HDAC9: variants seen among roughly 807,000 people sequenced by gnomAD.
The protein encoded by HDAC9 is histone deacetylase 9.
In HDAC9, 41 loss-of-function variants were observed where a neutral mutation model predicts 139.4. That is an observed-to-expected ratio of 0.29 (90% CI 0.23 to 0.38). HDAC9 has a LOEUF of 0.38. Ranked by LOEUF, HDAC9 falls within the 10% of genes least tolerant of loss-of-function variation. The probability of loss-of-function intolerance (pLI) is 1.00; values close to 1 mark genes in which losing one functional copy is unlikely to be tolerated. For missense variants in HDAC9, 1,147 were observed against 1,297.0 expected, an observed-to-expected ratio of 0.88 and a Z score of 1.78; for synonymous variants, 517 against 476.2, an observed-to-expected ratio of 1.09 and a Z score of -1.12.
At chr7:18,205,215 A>G (rs1162586370) in intron 2 of HDAC9, among the ~76,000 whole-genome samples, 1 of 151,944 alleles carries the variant, frequency 6.6e-6, no homozygotes, top group African/African-American at 2.4e-5. Context: ...TCATATTATT[A>G]CATTCTAACA....
chr7:18,530,493 AT>A (rs1323948061), intron 2 of HDAC9, among the ~76,000 whole-genome samples: 3 of 152,152 alleles, frequency 2.0e-5, no homozygotes, highest in African/African-American at 7.2e-5. Flanking sequence ...CTAACAAATG[AT>A]TTATACTGGT....
chr7:18,189,164 T>G (rs919014936), intron 2 of HDAC9, among the ~76,000 whole-genome samples: 5 of 152,106 alleles, frequency 3.3e-5, no homozygotes, highest in African/African-American at 1.2e-4. Context: ...TGTGCATCCA[T>G]AAAAAGGAAT....
intron 22 of HDAC9, among the ~76,000 whole-genome samples, chr7:18,882,117 A>G (rs1799783766): frequency 6.6e-6 from 1 of 152,156 alleles, no homozygotes; most frequent in East Asian, 1.9e-4. Context: ...AAGGCTAAAA[A>G]GAATCCATGA....
At chr7:18,488,476 A>G (rs905961119) in intron 1 of HDAC9, among the ~76,000 whole-genome samples, 3 of 152,036 alleles carry the variant, frequency 2.0e-5, no homozygotes, top group Non-Finnish European at 2.9e-5. Flanking sequence ...GAAGTATAAA[A>G]ATTGTGTTAT....
chr7:18,851,903 A>G (rs1394908811), intron 21 of HDAC9, among the ~76,000 whole-genome samples: 1 of 152,190 alleles, frequency 6.6e-6, no homozygotes. Flanking sequence ...CTTCATTTGT[A>G]AAACTATAGG....
intron 1 of HDAC9, among the ~76,000 whole-genome samples, chr7:18,306,512 A>C (rs1047222136): frequency 1.1e-4 from 17 of 152,178 alleles, no homozygotes; most frequent in African/African-American, 4.1e-4. Flanking sequence ...GATGATAGTA[A>C]TCTAAGTTTA....
At chr7:18,805,471 C>A (rs573355280) in intron 17 of HDAC9, among the ~76,000 whole-genome samples, 74 of 152,212 alleles carry the variant, frequency 4.9e-4, no homozygotes, top group Non-Finnish European at 9.7e-4. Context: ...GAGAAGTCAG[C>A]AGCTGCACAG....
chr7:18,595,338 G>T (rs956644811), intron 6 of HDAC9, among the ~76,000 whole-genome samples: 2 of 143,420 alleles, frequency 1.4e-5, no homozygotes, highest in Non-Finnish European at 3.2e-5. Flanking sequence ...CCTATTATCT[G>T]CAAATCAGAG....
chr7:18,832,024 A>T (rs1290787665), intron 19 of HDAC9, among the ~76,000 whole-genome samples: 4 of 152,200 alleles, frequency 2.6e-5, no homozygotes, highest in Non-Finnish European at 4.4e-5. Context: ...TTAGGCAAGA[A>T]TGATTCTAGT....
chr7:18,798,828 C>G (rs1012994413), intron 17 of HDAC9, among the ~76,000 whole-genome samples: 2 of 152,028 alleles, frequency 1.3e-5, no homozygotes, highest in African/African-American at 4.8e-5. Context: ...TGCATAAGGA[C>G]TATGAAAAGC....
chr7:18,675,842 G>T (rs1232190904), intron 12 of HDAC9, among the ~76,000 whole-genome samples: 1 of 151,954 alleles, frequency 6.6e-6, no homozygotes, highest in Non-Finnish European at 1.5e-5. Context: ...GGGAGACCCT[G>T]TGAGTACATT....
At chr7:18,971,676 T>A (rs112160669) in intron 24 of HDAC9, among the ~76,000 whole-genome samples, 2 of 152,234 alleles carry the variant, frequency 1.3e-5, no homozygotes, top group African/African-American at 4.8e-5. Flanking sequence ...GCATTATTAA[T>A]GTAGAATATT....
intron 1 of HDAC9, among the ~76,000 whole-genome samples, chr7:18,367,293 A>AT (rs951251789): frequency 6.6e-6 from 1 of 152,110 alleles, no homozygotes; most frequent in African/African-American, 2.4e-5. Context: ...GATGGGAGCC[A>AT]TGGGACTAGT....
intron 24 of HDAC9, among the ~76,000 whole-genome samples, chr7:18,957,155 G>T (rs1309734279): frequency 6.6e-6 from 1 of 152,102 alleles, no homozygotes; most frequent in African/African-American, 2.4e-5. Flanking sequence ...ATCGGAAAGC[G>T]ATCTCTCACC....
intron 1 of HDAC9, among the ~76,000 whole-genome samples, chr7:18,144,670 C>T (rs1457755769): frequency 6.6e-6 from 1 of 152,102 alleles, no homozygotes; most frequent in East Asian, 1.9e-4. Context: ...AGCCTCTCTG[C>T]TCTCCTTTTC....
chr7:18,409,354 A>C (rs1195022657), intron 1 of HDAC9, among the ~76,000 whole-genome samples: 1 of 152,226 alleles, frequency 6.6e-6, no homozygotes, highest in Non-Finnish European at 1.5e-5. Context: ...TGGAGACTTT[A>C]ATACTCTTTC....
At chr7:18,115,292 CA>C (rs67773503) in intron 1 of HDAC9, among the ~76,000 whole-genome samples, 96,532 of 130,274 alleles carry the variant, frequency 0.74, 35,603 homozygotes, top group Non-Finnish European at 0.84. Flanking sequence ...GACTCTGTCT[CA>C]AAAAAAAAAA....
intron 22 of HDAC9, among the ~76,000 whole-genome samples, chr7:18,921,540 A>G (rs533320939): frequency 6.6e-6 from 1 of 152,286 alleles, no homozygotes; most frequent in South Asian, 2.1e-4. Context: ...ACCATCTCAC[A>G]CCAGTTAGAA....
chr7:18,402,348 G>A (rs891593690), intron 1 of HDAC9, among the ~76,000 whole-genome samples: 3 of 152,158 alleles, frequency 2.0e-5, no homozygotes, highest in Admixed American at 2.0e-4. Context: ...GGAATGAAAT[G>A]AAGTAAATCT....
Sources: allele counts gnomAD v4.1 joint callset (sites outside exome capture counted in the v4.1 genomes callset), GRCh38; gene constraint gnomAD v4.1.1; transcripts MANE v1.5; gene names NCBI Gene and HGNC (gene_info 2026-07-23, HGNC 2026-07-21).